Variants in RERE observed in about 807,000 individuals in gnomAD.
RERE encodes the protein arginine-glutamic acid dipeptide repeats protein.
RERE carries 40 observed loss-of-function variants against 146.1 expected under a neutral mutation model. The ratio of observed to expected loss-of-function variants is 0.27; its 90% CI spans 0.21 to 0.36. RERE has a LOEUF of 0.36. Among genes scored for constraint, RERE ranks in the 10% least tolerant of loss-of-function variants. RERE has a pLI of 1.00. For missense variants in RERE, 1,933 were observed against 2,138.7 expected, an observed-to-expected ratio of 0.90 and a Z score of 1.90; for synonymous variants, 1,003 against 866.0, an observed-to-expected ratio of 1.16 and a Z score of -2.78.
At chr1:8,507,325 T>C (rs1236718125) in intron 8 of RERE, among the ~76,000 whole-genome samples, 1 of 152,122 alleles carries the variant, frequency 6.6e-6, no homozygotes, top group East Asian at 1.9e-4. Context: ...ATAAATGCAA[T>C]GAAATAAGAA....
At position 8,459,604 on chromosome 1, in the gene RERE, AACCTGT is replaced by A. The variant is rs1448583357; in HGVS notation, c.1203+6315_1203+6320del. Among the ~76,000 whole-genome samples the A allele has an allele frequency of 1.9e-4, 29 of 152,360 alleles. 1 individual carries two copies. The East Asian group carries it at 5.6e-3, about 29-fold the overall frequency. ...TTCTGACTCAACTCACATGTATGCA[AACCTGT>A]ACACATACGTAAGTTGACAATGACA... On this transcript the variant is annotated intron_variant, in intron 11 of 22. Transcript: ENST00000400908.
intron 8 of RERE, among the ~76,000 whole-genome samples, chr1:8,498,161 C>A (rs1645070766): frequency 6.7e-6 from 1 of 150,168 alleles, no homozygotes; most frequent in Non-Finnish European, 1.5e-5. Flanking sequence ...GAGTTCAAGA[C>A]CAGCCTGGCC....
At chr1:8,400,589 G>GGGT (rs1305773183) in intron 12 of RERE, among the ~76,000 whole-genome samples, 1 of 151,930 alleles carries the variant, frequency 6.6e-6, no homozygotes, top group African/African-American at 2.4e-5. Flanking sequence ...CACATATATA[G>GGGT]GGTCTTTGTC....
intron 4 of RERE, among the ~76,000 whole-genome samples, chr1:8,603,151 T>C (rs1429527009): frequency 6.6e-6 from 1 of 152,274 alleles, no homozygotes; most frequent in African/African-American, 2.4e-5. Context: ...TTTTTGGAAT[T>C]ACATGTTTTA....
intron 2 of RERE, among the ~76,000 whole-genome samples, chr1:8,629,876 C>T (rs1330472579): frequency 1.3e-5 from 2 of 152,144 alleles, no homozygotes; most frequent in African/African-American, 4.8e-5. Context: ...ATATAATTTC[C>T]AATAGAAAAC....
intron 10 of RERE, among the ~76,000 whole-genome samples, chr1:8,494,559 T>C (rs931846644): frequency 3.3e-5 from 5 of 152,122 alleles, no homozygotes; most frequent in African/African-American, 1.2e-4. Flanking sequence ...ACCCCGTCTC[T>C]ACTAAAAATA....
rs138155168 is a variant in RERE at position 8,373,331 on chromosome 1, T to C, written c.1285-7357A>G. On this transcript the variant is annotated intron_variant, in intron 12 of 22. Transcript: ENST00000400908. ...GAATGTTGTTCCCCTGCTTAAACTT[T>C]TGTTTGAAAAAATGCCCCACAGTGA... Among the ~76,000 whole-genome samples, 441 of 152,296 alleles carry C rather than the reference T, an allele frequency of 2.9e-3. 3 individuals carry two copies. Among genetic ancestry groups the C allele is most frequent in the African/African-American group, 1.0e-2 (414 of 41,560 alleles).
intron 4 of RERE, among the ~76,000 whole-genome samples, chr1:8,593,547 C>T (rs571652214): frequency 6.6e-6 from 1 of 152,356 alleles, no homozygotes; most frequent in South Asian, 2.1e-4. Flanking sequence ...CCATGTGCAA[C>T]TGTGAGCCAA....
intron 7 of RERE, chr1:8,512,907 G>A (rs1301054535): frequency 6.6e-6 from 1 of 152,426 alleles, no homozygotes; most frequent in Non-Finnish European, 1.5e-5. Context: ...GACTTCCGGA[G>A]AGCCACTTCC....
At chr1:8,751,519 A>G (rs890232337) in intron 1 of RERE, among the ~76,000 whole-genome samples, 4 of 152,106 alleles carry the variant, frequency 2.6e-5, no homozygotes, top group African/African-American at 9.7e-5. Flanking sequence ...ACTAAACTAC[A>G]CCGAAGTCAA....
At chr1:8,686,125 A>G (rs1639080529) in intron 1 of RERE, among the ~76,000 whole-genome samples, 1 of 151,792 alleles carries the variant, frequency 6.6e-6, no homozygotes, top group Non-Finnish European at 1.5e-5. Flanking sequence ...GGGACTACAG[A>G]TGCACATCAC....
In RERE at chr1:8,587,223, T is replaced by C. The variant is rs113144815; in HGVS notation, c.522+27338A>G. ...GCACAGGCTTTAAAATTATGGAGAC[T>C]TGGGTTCGAAATCTGGCTCTCATAC... On this transcript the variant is annotated intron_variant, in intron 4 of 22. Transcript: ENST00000400908. Among the ~76,000 whole-genome samples the C allele has an allele frequency of 8.8e-3, 1,344 of 152,300 alleles. 14 individuals carry two copies. Among genetic ancestry groups the C allele is most frequent in the African/African-American group, 0.03 (1,234 of 41,560 alleles).
chr1:8,469,767 C>T (rs187325585), intron 10 of RERE, among the ~76,000 whole-genome samples: 12 of 152,300 alleles, frequency 7.9e-5, no homozygotes, highest in African/African-American at 2.6e-4. Context: ...TGTGGCATTC[C>T]GGCCTTTTGG....
chr1:8,807,036 T>C (rs957489044), intron 1 of RERE: 1 of 152,184 alleles, frequency 6.6e-6, no homozygotes, highest in Admixed American at 6.5e-5. Context: ...CTGTACCTTA[T>C]GGGGTTCTCT....
In RERE at chr1:8,529,287, C is replaced by CTTCTTTTTTTTTT. The variant is rs1382281413; in HGVS notation, c.830+11926_830+11927insAAAAAAAAAAGAA. ...CCTCCACAACCATCAGTTCTCCCTT[C>CTTCTTTTTTTTTT]TTTTTTTTTTTTTTTTTTTTGAGAT... On this transcript the variant is annotated intron_variant, in intron 7 of 22. Coordinates refer to ENST00000400908, the MANE Select transcript of RERE (RefSeq NM_001042681.2). Among the ~76,000 whole-genome samples, 43 of 102,440 alleles carry CTTCTTTTTTTTTT rather than the reference C, an allele frequency of 4.2e-4. 1 individual carries two copies. The highest frequency in any genetic ancestry group is 1.7e-3 in the African/African-American group (43 of 26,012). 67.2% of individuals were successfully genotyped at this position (102,440 alleles called of 152,430 possible).
Position 8,358,422 on chromosome 1 carries a change from C to A in RERE, c.4113G>T (p.Leu1371=). 2 of 1,596,940 alleles carry A rather than the reference C, an allele frequency of 1.3e-6. No individual in the cohort carries two copies. Among genetic ancestry groups the A allele is most frequent in the Non-Finnish European group, 1.7e-6 (2 of 1,168,500 alleles). The change falls in exon 20 of 23, where the codon CTG becomes CTT. Residue 1371 remains leucine (L), a synonymous_variant. Transcript: ENST00000400908. The part of the protein sequence containing the change: ...PHPFASFHPG[L]NPLERERLAL... ...CCAGTCTCTCCCTCTCCAAGGGGTT[C>A]AGGCCCGGGTGGAAAGAAGCAAAAG...
At chr1:8,805,475 C>T (rs1641671858) in intron 1 of RERE, among the ~76,000 whole-genome samples, 1 of 152,048 alleles carries the variant, frequency 6.6e-6, no homozygotes, top group African/African-American at 2.4e-5. Flanking sequence ...ATGGTGAAAC[C>T]TCACCTCTAC....
intron 1 of RERE, among the ~76,000 whole-genome samples, chr1:8,711,147 A>C (rs1347792405): frequency 1.0e-5 from 1 of 98,094 alleles, no homozygotes; most frequent in Non-Finnish European, 1.9e-5. Flanking sequence ...ACAGAGTGTG[A>C]CTCTGTCTCC....
chr1:8,431,218 C>T (rs1644091065), intron 11 of RERE, among the ~76,000 whole-genome samples: 1 of 152,218 alleles, frequency 6.6e-6, no homozygotes, highest in African/African-American at 2.4e-5. Flanking sequence ...AAAGCTTCAT[C>T]TGTATTTACA....
Sources: allele counts gnomAD v4.1 joint callset (sites outside exome capture counted in the v4.1 genomes callset), GRCh38; gene constraint gnomAD v4.1.1; transcripts MANE v1.5; gene names NCBI Gene and HGNC (gene_info 2026-07-23, HGNC 2026-07-21).